TOGARAM1: variants seen among roughly 807,000 people sequenced by gnomAD.
TOGARAM1 encodes TOG array regulator of axonemal microtubules protein 1.
Under a neutral mutation model 166.6 loss-of-function variants are expected in TOGARAM1, and 100 were observed. That is an observed-to-expected ratio of 0.60 (90% CI 0.51 to 0.71). The LOEUF is 0.71. Ranked by LOEUF, TOGARAM1 falls within the 30% of genes least tolerant of loss-of-function variation. The pLI is 0.00. For missense variants in TOGARAM1, 2,029 were observed against 2,102.7 expected (o/e 0.96, Z 0.69); for synonymous variants, 758 against 763.8 (o/e 0.99, Z 0.13).
chr14:44,999,315 T>TA, intron 2 of TOGARAM1, 48 bp from the exon 3 acceptor site: 2 of 1,476,552 alleles, frequency 1.4e-6, no homozygotes, highest in Non-Finnish European at 1.8e-6. Flanking sequence ...ATTCATGAAA[T>TA]AAAGTTAACT....
At chr14:45,064,242 T>A (rs917146963) in intron 16 of TOGARAM1, among the ~76,000 whole-genome samples, 1 of 152,064 alleles carries the variant, frequency 6.6e-6, no homozygotes, top group Non-Finnish European at 1.5e-5. Flanking sequence ...TTTAATGCAT[T>A]GTGGTTTTTG....
chr14:45,043,182 T>A (rs373298361), intron 11 of TOGARAM1, among the ~76,000 whole-genome samples: 5 of 152,130 alleles, frequency 3.3e-5, no homozygotes, highest in East Asian at 3.9e-4. Context: ...ACTTTTATTT[T>A]TTTTTTTCTC....
At chr14:45,025,647 G>T in intron 7 of TOGARAM1, 136 bp from the exon 8 acceptor site, 1 of 544,282 alleles carries the variant, frequency 1.8e-6, no homozygotes, top group Non-Finnish European at 3.2e-6. Flanking sequence ...ATGACTTAAT[G>T]AACGTGTGAA....
chr14:45,050,893 G>C (rs1882331437), intron 14 of TOGARAM1, among the ~76,000 whole-genome samples: 1 of 152,194 alleles, frequency 6.6e-6, no homozygotes, highest in Non-Finnish European at 1.5e-5. Flanking sequence ...GGGATTACAG[G>C]TGTGAGCCAC....
intron 11 of TOGARAM1, among the ~76,000 whole-genome samples, chr14:45,037,831 TC>T (rs1388108918): frequency 6.7e-6 from 1 of 149,066 alleles, no homozygotes; most frequent in Non-Finnish European, 1.5e-5. Flanking sequence ...ATTGAGACCA[TC>T]CTGGTTAACA....
At chr14:45,062,447 C>T (rs10146930) in intron 16 of TOGARAM1, among the ~76,000 whole-genome samples, 7,035 of 152,148 alleles carry the variant, frequency 0.046, 529 homozygotes, top group African/African-American at 0.16. Flanking sequence ...AGAAGATTTG[C>T]ATGGTATGTC....
intron 6 of TOGARAM1, 137 bp downstream of exon 6, chr14:45,009,282 G>A (rs1879652817): frequency 1.4e-6 from 1 of 711,980 alleles, no homozygotes. Flanking sequence ...AAAGACATTG[G>A]AAATGTTTAC....
chr14:45,039,611 C>T (rs1881621771), intron 11 of TOGARAM1, among the ~76,000 whole-genome samples: 1 of 152,172 alleles, frequency 6.6e-6, no homozygotes, highest in Admixed American at 6.5e-5. Flanking sequence ...TGTGTGCACA[C>T]CCGGCTAGTT....
intron 3 of TOGARAM1, among the ~76,000 whole-genome samples, chr14:45,002,411 T>C (rs1203208986): frequency 1.3e-5 from 2 of 152,202 alleles, no homozygotes; most frequent in East Asian, 1.9e-4. Flanking sequence ...GGAATAGTTA[T>C]TAGAGAAGCT....
In TOGARAM1 at chr14:45,068,478, G is replaced by A. The variant is rs150552457; in HGVS notation, c.4804G>A (p.Val1602Met). 8.7e-6 allele frequency: 14 copies of A among 1,612,526 alleles called. No individual in the cohort carries two copies. In the East Asian group the frequency reaches 2.7e-4, roughly 31 times the overall value. ...LHDSNSKVNLVALETMHKMIP... is the reference protein window; with the variant it reads ...LHDSNSKVNLMALETMHKMIP... The stretch of plus-strand genomic sequence containing the variant: ...TGATTCTAATAGTAAAGTAAATCTG[G>A]TGGCTCTGGAAACAATGCACAAAAT... Residue 1602 changes from valine to methionine, a missense_variant, in exon 18 of 20, where the codon GTG (valine) becomes ATG (methionine). Val to Met is a conservative substitution (Grantham distance 21, BLOSUM62 1). Transcript: ENST00000361462.
Position 44,963,350 on chromosome 14 carries a change from G to T in TOGARAM1, c.929G>T (p.Arg310Leu), listed in dbSNP as rs757932808. The change falls in exon 1 of 20, where the codon CGC becomes CTC. Residue 310 changes from arginine (R) to leucine (L), a missense_variant. Transcript: ENST00000361462. ...GCCCTGAGGAGACACTACAATCGCCGCCTGGAGTCCCAGTTTGGAAGTCAG... is the reference window on the plus strand; with the variant it reads ...GCCCTGAGGAGACACTACAATCGCCTCCTGGAGTCCCAGTTTGGAAGTCAG... ...PSALRRHYNR[R>L]LESQFGSQVP... The T allele has an allele frequency of 1.2e-6, 2 of 1,613,980 alleles. No homozygotes were observed. Among genetic ancestry groups the T allele is most frequent in the Non-Finnish European group, 1.7e-6 (2 of 1,180,020 alleles).
At chr14:45,058,624 G>A (rs1566670922) in intron 16 of TOGARAM1, among the ~76,000 whole-genome samples, 2 of 152,044 alleles carry the variant, frequency 1.3e-5, no homozygotes, top group Non-Finnish European at 2.9e-5. Flanking sequence ...TTTAATTTTA[G>A]TCTATGTGTC....
intron 16 of TOGARAM1, among the ~76,000 whole-genome samples, chr14:45,055,643 A>G (rs1478908433): frequency 6.6e-6 from 1 of 151,898 alleles, no homozygotes; most frequent in Admixed American, 6.6e-5. Context: ...TCTCTAGTAA[A>G]ACTACAAAAA....
chr14:45,000,925 G>T (rs1423189858), intron 3 of TOGARAM1, among the ~76,000 whole-genome samples: 1 of 152,024 alleles, frequency 6.6e-6, no homozygotes, highest in Non-Finnish European at 1.5e-5. Flanking sequence ...GCAGAGATGG[G>T]GTTCTACTAT....
chr14:44,992,916 C>T lies in TOGARAM1; in HGVS notation c.2047-2830C>T, dbSNP rs931836857. The stretch of plus-strand genomic sequence containing the variant: ...ACAGGCGTGAGCCACCATGCCCGGC[C>T]TAATTTTTGCAATCTTTTTATGAAA... On this transcript the variant is annotated intron_variant, in intron 1 of 19. Transcript: ENST00000361462. 4.6e-5 allele frequency among the ~76,000 whole-genome samples: 7 copies of T among 151,132 alleles called. No homozygotes were observed. The East Asian group carries it at 9.9e-4, about 21-fold the overall frequency.
At chr14:44,986,399 C>G (rs1467580006) in intron 1 of TOGARAM1, among the ~76,000 whole-genome samples, 1 of 152,070 alleles carries the variant, frequency 6.6e-6, no homozygotes, top group Non-Finnish European at 1.5e-5. Flanking sequence ...GAGCGATCCC[C>G]CTACCTCAGC....
chr14:45,073,205 A>C (rs1298114097), intron 19 of TOGARAM1, 91 bp from the exon 20 acceptor site: 1 of 1,218,460 alleles, frequency 8.2e-7, no homozygotes, highest in African/African-American at 1.5e-5. Context: ...CATAAGGAAG[A>C]AGCTTAGTAT....
At chr14:45,010,733 G>C (rs2138857959) in intron 6 of TOGARAM1, among the ~76,000 whole-genome samples, 1 of 152,110 alleles carries the variant, frequency 6.6e-6, no homozygotes, top group East Asian at 1.9e-4. Context: ...TATCCAGCTT[G>C]CATACTGCCT....
chr14:45,045,543 G>GTGTATATATA (rs1457434775), intron 13 of TOGARAM1, among the ~76,000 whole-genome samples: 1 of 38,922 alleles, frequency 2.6e-5, no homozygotes, highest in African/African-American at 9.2e-5. Flanking sequence ...GTCTGTGTGT[G>GTGTATATATA]TATATATATA....
Sources: allele counts gnomAD v4.1 joint callset (sites outside exome capture counted in the v4.1 genomes callset), GRCh38; gene constraint gnomAD v4.1.1; transcripts MANE v1.5; gene names NCBI Gene and HGNC (gene_info 2026-07-23, HGNC 2026-07-21).